CRLS1: variants seen among roughly 807,000 people sequenced by gnomAD.
CRLS1 encodes the protein cardiolipin synthase (CMP-forming).
In CRLS1, 24 loss-of-function variants were observed where a neutral mutation model predicts 37.0. The ratio of observed to expected loss-of-function variants is 0.65; its 90% CI spans 0.47 to 0.91. The LOEUF is 0.91. CRLS1 is among the 40% of genes least tolerant of loss of function. The pLI is 0.00. For missense variants in CRLS1, 373 were observed against 395.8 expected (o/e 0.94, Z 0.49); for synonymous variants, 135 against 159.7 (o/e 0.85, Z 1.17).
chr20:6,027,804 C>A (rs932268740), intron 3 of CRLS1, among the ~76,000 whole-genome samples: 2 of 152,162 alleles, frequency 1.3e-5, no homozygotes, highest in African/African-American at 4.8e-5. Flanking sequence ...ATGTAAAAAT[C>A]ACGCTTAGCC....
chr20:6,032,559 C>T lies in CRLS1; in HGVS notation c.729+479C>T, dbSNP rs115068040. 2.3e-3 allele frequency among the ~76,000 whole-genome samples: 350 copies of T among 152,162 alleles called. 1 individual carries two copies. The highest frequency in any genetic ancestry group is 8.3e-3 in the African/African-American group (343 of 41,512). On this transcript the variant is annotated intron_variant, in intron 5 of 6. Coordinates refer to ENST00000378863, the MANE Select transcript of CRLS1 (RefSeq NM_019095.6). ...AGAGTCCCTGGTGGTTTCACTCCCTCCTTCCCTGTGGTGAAAATACCAAAT... is the reference window on the plus strand; with the variant it reads ...AGAGTCCCTGGTGGTTTCACTCCCTTCTTCCCTGTGGTGAAAATACCAAAT...
In CRLS1 at chr20:6,031,318, T is replaced by C. The variant is rs781275570; in HGVS notation, c.608T>C (p.Val203Ala). Residue 203 changes from valine (V) to alanine (A), a missense_variant, in exon 4 of 7, where the codon GTA (valine) becomes GCA (alanine). By Grantham distance (64) the Val-to-Ala change is moderately conservative. Transcript: ENST00000378863. ...ACTTACATGATCATTTCGAGAGATG[T>C]AATGTTGATTGCTGCTGTTTTTTAT... ...PLTYMIISRDVMLIAAVFYVR... is the reference protein window; with the variant it reads ...PLTYMIISRDAMLIAAVFYVR... The C allele has an allele frequency of 3.1e-5, 50 of 1,609,522 alleles. No individual in the cohort carries two copies. The highest frequency in any genetic ancestry group is 4.1e-5 in the Non-Finnish European group (48 of 1,178,076).
At chr20:6,013,622 G>A (rs141852451) in intron 2 of CRLS1, among the ~76,000 whole-genome samples, 2 of 152,284 alleles carry the variant, frequency 1.3e-5, no homozygotes, top group Admixed American at 1.3e-4. Flanking sequence ...GATGGAGTTA[G>A]GTCTGAGGTG....
chr20:6,006,927 G>A, intron 1 of CRLS1: 1 of 645,174 alleles, frequency 1.5e-6, no homozygotes, highest in Non-Finnish European at 1.9e-6. Flanking sequence ...TATTTAGAAA[G>A]GTATACAGGC....
intron 2 of CRLS1, among the ~76,000 whole-genome samples, chr20:6,010,511 GTCCT>G (rs1245043800): frequency 5.3e-5 from 8 of 152,200 alleles, no homozygotes; most frequent in African/African-American, 1.9e-4. Flanking sequence ...ACAATTGGAC[GTCCT>G]TCCTTCATTC....
chr20:6,012,851 G>C (rs182286435), intron 2 of CRLS1, among the ~76,000 whole-genome samples: 3 of 152,318 alleles, frequency 2.0e-5, no homozygotes, highest in Non-Finnish European at 4.4e-5. Flanking sequence ...ACCCTGGGAA[G>C]GAATAGCTGG....
chr20:6,029,572 T>G (rs907069233), intron 3 of CRLS1, among the ~76,000 whole-genome samples: 23 of 152,286 alleles, frequency 1.5e-4, no homozygotes, highest in Admixed American at 7.8e-4. Flanking sequence ...TTGGTCAGGC[T>G]GATCTCGAAC....
At chr20:6,021,044 AGTT>A (rs981444481) in intron 3 of CRLS1, among the ~76,000 whole-genome samples, 2 of 145,330 alleles carry the variant, frequency 1.4e-5, no homozygotes, top group African/African-American at 2.5e-5. Flanking sequence ...TTGTCTCTGT[AGTT>A]GTGATTTTGT....
chr20:6,030,996 T>C (rs1399474479), intron 3 of CRLS1, among the ~76,000 whole-genome samples: 2 of 151,654 alleles, frequency 1.3e-5, no homozygotes, highest in Non-Finnish European at 2.9e-5. Flanking sequence ...CTTAAAAACA[T>C]GCAAGAAAAA....
intron 3 of CRLS1, among the ~76,000 whole-genome samples, chr20:6,021,065 C>CTTTT (rs148717152): frequency 8.7e-6 from 1 of 114,348 alleles, no homozygotes; most frequent in South Asian, 2.8e-4. Context: ...TGTTTTGTAT[C>CTTTT]TTTTTTTTTT....
Position 6,006,489 on chromosome 20 carries a change from C to A in CRLS1, c.243C>A (p.Ala81=). Residue 81 remains alanine (A), a synonymous_variant, in exon 1 of 7, where the codon GCC becomes GCA. Transcript: ENST00000378863. ...GAGKAAPRPA[A]GAGAAAEAPG... The stretch of plus-strand genomic sequence containing the variant: ...GGAAGGCGGCTCCCAGGCCAGCGGC[C>A]GGAGCGGGCGCCGCTGCCGAAGCCC... 1 of 1,372,806 alleles carries A rather than the reference C, an allele frequency of 7.3e-7. No homozygotes were observed. Among genetic ancestry groups the A allele is most frequent in the South Asian group, 1.7e-5 (1 of 58,578 alleles). The allele number at this position is 1,372,806 out of a possible 1,614,324, so 85.0% of individuals were successfully genotyped here.
Position 6,033,120 on chromosome 20 carries a change from A to T in CRLS1, c.729+1040A>T, listed in dbSNP as rs373910908. On this transcript the variant is annotated intron_variant, in intron 5 of 6. Transcript: ENST00000378863. ...ATTTTATTTTATTTTAATTTAATTT[A>T]ATTTTATTTTATTTTATTATTTTTT... Among the ~76,000 whole-genome samples, 764 of 148,118 alleles carry T rather than the reference A, an allele frequency of 5.2e-3. 6 individuals are homozygous for T. Among genetic ancestry groups the T allele is most frequent in the African/African-American group, 0.015 (585 of 39,462 alleles).
chr20:6,011,571 G>A (rs1316010313), intron 2 of CRLS1, among the ~76,000 whole-genome samples: 7 of 42,624 alleles, frequency 1.6e-4, no homozygotes, highest in African/African-American at 4.6e-4. Context: ...TTTTGTCCCT[G>A]CTTTTTTTTT....
chr20:6,010,807 A>T (rs1380432279), intron 2 of CRLS1, among the ~76,000 whole-genome samples: 3 of 152,222 alleles, frequency 2.0e-5, no homozygotes, highest in Non-Finnish European at 4.4e-5. Flanking sequence ...TTGAGAGGTC[A>T]GGAGTTTGAG....
At chr20:6,013,018 A>G (rs986710714) in intron 2 of CRLS1, among the ~76,000 whole-genome samples, 5 of 149,840 alleles carry the variant, frequency 3.3e-5, no homozygotes, top group African/African-American at 7.3e-5. Flanking sequence ...CGATGAACAC[A>G]TGTGAGATGG....
intron 3 of CRLS1, among the ~76,000 whole-genome samples, chr20:6,017,409 C>T (rs1439838906): frequency 6.6e-6 from 1 of 152,170 alleles, no homozygotes; most frequent in Non-Finnish European, 1.5e-5. Context: ...AAAGTTATCT[C>T]TCTTAATTCA....
intron 3 of CRLS1, among the ~76,000 whole-genome samples, chr20:6,030,667 C>T (rs922227302): frequency 6.6e-6 from 1 of 151,714 alleles, no homozygotes; most frequent in Non-Finnish European, 1.5e-5. Context: ...TGCAGTGAGC[C>T]GATACCGTGC....
chr20:6,006,601 G>T, intron 1 of CRLS1, 49 bp downstream of exon 1: 8 of 1,243,614 alleles, frequency 6.4e-6, no homozygotes, highest in Non-Finnish European at 8.0e-6. Flanking sequence ...TGGGGTCGCC[G>T]CCCCTGCACT....
intron 3 of CRLS1, among the ~76,000 whole-genome samples, chr20:6,016,310 T>TC (rs1177994096): frequency 6.6e-6 from 1 of 152,200 alleles, no homozygotes; most frequent in African/African-American, 2.4e-5. Context: ...CAGTCTAGTC[T>TC]CCCCCAACTG....
Sources: gnomAD v4.1 joint callset for allele counts (sites outside exome capture counted in the v4.1 genomes callset) on GRCh38, gnomAD v4.1.1 for gene constraint, MANE v1.5 for transcripts, NCBI Gene and HGNC (gene_info 2026-07-23, HGNC 2026-07-21) for gene names.